MYO1H: variants seen among roughly 807,000 people sequenced by gnomAD.
MYO1H encodes unconventional myosin-Ih.
A neutral mutation model predicts 149.3 loss-of-function variants in MYO1H; 118 were observed. That is an observed-to-expected ratio of 0.79 (90% CI 0.68 to 0.92). MYO1H has a LOEUF of 0.92. Among genes scored for constraint, MYO1H ranks in the 40% least tolerant of loss-of-function variants. MYO1H has a pLI of 0.00. For missense variants in MYO1H, 1,212 were observed against 1,280.7 expected (o/e 0.95, Z 0.82); for synonymous variants, 447 against 465.2 (o/e 0.96, Z 0.50).
exon 7 of MYO1H, chr12:109,404,065 T>C: frequency 6.2e-7 from 1 of 1,613,426 alleles, no homozygotes; most frequent in Non-Finnish European, 8.5e-7. Flanking sequence ...TTGATTTTAC[T>C]GAAGCTGACC....
At chr12:109,395,071 T>A (rs1309411846) in intron 3 of MYO1H, among the ~76,000 whole-genome samples, 1 of 152,178 alleles carries the variant, frequency 6.6e-6, no homozygotes, top group South Asian at 2.1e-4. Context: ...GCCACCACCA[T>A]GTATTAAAAG....
At chr12:109,396,115 A>G (rs2075433) in intron 3 of MYO1H, among the ~76,000 whole-genome samples, 82,113 of 151,548 alleles carry the variant, frequency 0.54, 23,379 homozygotes, top group African/African-American at 0.71. Context: ...TACAGAAGGG[A>G]TTTCATCATG....
At chr12:109,346,894 T>G (rs756358227), upstream of MYO1H, among the ~76,000 whole-genome samples, 13 of 152,222 alleles carry the variant, frequency 8.5e-5, no homozygotes, top group Admixed American at 3.9e-4. Flanking sequence ...TATTACCTAT[T>G]CAGTTACAAA....
chr12:109,421,377 C>T (rs1871169268), intron 16 of MYO1H, among the ~76,000 whole-genome samples: 1 of 152,090 alleles, frequency 6.6e-6, no homozygotes, highest in Non-Finnish European at 1.5e-5. Flanking sequence ...GTGAGAAGTG[C>T]TGCAAAGAGA....
intron 19 of MYO1H, among the ~76,000 whole-genome samples, chr12:109,430,284 C>T (rs770058111): frequency 6.6e-6 from 1 of 152,162 alleles, no homozygotes; most frequent in Non-Finnish European, 1.5e-5. Flanking sequence ...TAGCCAAACC[C>T]CGTGCACCTG....
the MYO1H span, among the ~76,000 whole-genome samples, chr12:109,342,707 T>C: frequency 6.6e-6 from 1 of 151,550 alleles, no homozygotes; most frequent in Non-Finnish European, 1.5e-5. Flanking sequence ...CATGTCTGGC[T>C]AATTTTTAAA....
At chr12:109,358,221 A>G (rs1868653025) in intron 1 of MYO1H, among the ~76,000 whole-genome samples, 4 of 152,038 alleles carry the variant, frequency 2.6e-5, no homozygotes, top group African/African-American at 7.3e-5. Context: ...GATTGCTGTC[A>G]TAAGAAAAAT....
the MYO1H span, among the ~76,000 whole-genome samples, chr12:109,336,976 A>G: frequency 1.3e-5 from 2 of 152,152 alleles, no homozygotes; most frequent in African/African-American, 2.4e-5. Context: ...CACTTACTAG[A>G]AGGAGGGAGG....
chr12:109,387,723 T>C (rs1207042745), intron 1 of MYO1H, among the ~76,000 whole-genome samples: 3 of 152,182 alleles, frequency 2.0e-5, no homozygotes, highest in Non-Finnish European at 4.4e-5. Flanking sequence ...ACCTCACAGC[T>C]CTGGCCAAGG....
intron 1 of MYO1H, among the ~76,000 whole-genome samples, chr12:109,352,127 C>T (rs775912898): frequency 6.6e-6 from 1 of 152,084 alleles, no homozygotes; most frequent in Non-Finnish European, 1.5e-5. Context: ...GATTCCTTGT[C>T]GTCACATAAG....
intron 18 of MYO1H, among the ~76,000 whole-genome samples, chr12:109,427,171 C>T (rs1333458229): frequency 6.6e-6 from 1 of 151,936 alleles, no homozygotes; most frequent in African/African-American, 2.4e-5. Flanking sequence ...CAAAAATTAG[C>T]CAGGCATGGT....
In MYO1H at chr12:109,438,086, T is replaced by TAAAAAAAAAAAAAA. The variant is rs58487735; in HGVS notation, c.2210-442_2210-429dup. 6.2e-4 allele frequency among the ~76,000 whole-genome samples: 60 copies of TAAAAAAAAAAAAAA among 96,898 alleles called. 1 individual carries two copies. Among genetic ancestry groups the TAAAAAAAAAAAAAA allele is most frequent in the African/African-American group, 2.6e-3 (57 of 22,078 alleles). 63.6% of individuals were successfully genotyped at this position (96,898 alleles called of 152,430 possible). Reference sequence around the variant, plus strand: ...TTGGGCGACAGAGCAAGGCTCTGTCTAAAAAAAAAAAAAAAAAAAAATTGG... The same window carrying TAAAAAAAAAAAAAA: ...TTGGGCGACAGAGCAAGGCTCTGTCTAAAAAAAAAAAAAAAAAAAAAAAAAAAAAAAAAAATTGG... On this transcript the variant is annotated intron_variant, in intron 22 of 31. Transcript: ENST00000310903.
At chr12:109,396,534 A>G in exon 4 of MYO1H, 1 of 1,613,966 alleles carries the variant, frequency 6.2e-7, no homozygotes, top group Non-Finnish European at 8.5e-7. Flanking sequence ...TGACCCAGTC[A>G]CTACAAATAG....
chr12:109,388,747 A>C (rs1322148535), exon 2 of MYO1H: 1 of 1,612,342 alleles, frequency 6.2e-7, no homozygotes. Context: ...GCCCGGGACA[A>C]GGTCGGGGTT....
chr12:109,411,891 A>G lies in MYO1H; in HGVS notation c.1411-3A>G, dbSNP rs1870692243. Reference sequence around the variant, plus strand: ...GATTGAGGCTTCTCTTTTTCTTTTGAAGGATGAAGAATGCATTCGGCCTGG... The same window carrying G: ...GATTGAGGCTTCTCTTTTTCTTTTGGAGGATGAAGAATGCATTCGGCCTGG... On this transcript the variant is annotated splice_polypyrimidine_tract_variant and splice_region_variant and intron_variant, in intron 13 of 31. Transcript: ENST00000310903. The G allele has an allele frequency of 2.5e-6, 4 of 1,595,148 alleles. No homozygotes were observed. Among genetic ancestry groups the G allele is most frequent in the Non-Finnish European group, 3.4e-6 (4 of 1,171,032 alleles).
the MYO1H span, among the ~76,000 whole-genome samples, chr12:109,311,323 AT>A: frequency 6.6e-6 from 1 of 152,200 alleles, no homozygotes; most frequent in East Asian, 1.9e-4. Context: ...TGGGGAGGCC[AT>A]TTAATTAAAA....
At chr12:109,372,823 C>T (rs527742084) in intron 1 of MYO1H, among the ~76,000 whole-genome samples, 135 of 152,022 alleles carry the variant, frequency 8.9e-4, no homozygotes, top group African/African-American at 3.1e-3. Context: ...TTAAATGGGA[C>T]TTTATTTTAT....
At chr12:109,359,261 C>G (rs2032024451) in intron 1 of MYO1H, 1 of 152,090 alleles carries the variant, frequency 6.6e-6, no homozygotes, top group African/African-American at 2.4e-5. Flanking sequence ...TATTCTTTAC[C>G]TGTCTCTTTG....
rs369400869 is a variant in MYO1H, at chr12:109,436,065, G to A, written c.2141-423G>A. On this transcript the variant is annotated intron_variant, in intron 21 of 31. Coordinates refer to ENST00000310903, the Ensembl canonical transcript of MYO1H. ...TAGAAGCCGAGGGAGAGTGTTCTCT[G>A]ATCAGACCTGGATTCATGCTCCTCC... 3.3e-5 allele frequency among the ~76,000 whole-genome samples: 5 copies of A among 152,298 alleles called. No homozygotes were observed. The East Asian group carries it at 9.6e-4, about 29-fold the overall frequency.
Sources: gnomAD v4.1 joint callset for allele counts (sites outside exome capture counted in the v4.1 genomes callset) on GRCh38, gnomAD v4.1.1 for gene constraint, MANE v1.5 for transcripts, NCBI Gene and HGNC (gene_info 2026-07-23, HGNC 2026-07-21) for gene names.